IRGM: variants seen among roughly 807,000 people sequenced by gnomAD.
IRGM encodes the protein immunity related GTPase M, also known as immunity-related GTPase family M protein.
For synonymous variants in IRGM, 98 were observed against 80.6 expected, an observed-to-expected ratio of 1.22 and a Z score of -1.16; for missense variants, 288 against 219.9, an observed-to-expected ratio of 1.31 and a Z score of -1.96.
At chr5:150,865,597 T>TG (rs1397360280) in intron 1 of IRGM, among the ~76,000 whole-genome samples, 1 of 152,176 alleles carries the variant, frequency 6.6e-6, no homozygotes, top group Non-Finnish European at 1.5e-5. Flanking sequence ...TAGACTTCAT[T>TG]GGGGAAAACT....
At chr5:150,856,385 C>T (rs532008219) in intron 1 of IRGM, among the ~76,000 whole-genome samples, 3 of 152,070 alleles carry the variant, frequency 2.0e-5, no homozygotes, top group East Asian at 1.9e-4. Context: ...GAGCTGAGAT[C>T]GCACCACTGC....
chr5:150,874,949 T>A (rs1022069580), intron 1 of IRGM, among the ~76,000 whole-genome samples: 1 of 152,200 alleles, frequency 6.6e-6, no homozygotes, highest in African/African-American at 2.4e-5. Flanking sequence ...TATCATGAAC[T>A]GGGTGCTTTC....
chr5:150,878,540 A>C (rs1211196567), intron 2 of IRGM, among the ~76,000 whole-genome samples: 1 of 152,094 alleles, frequency 6.6e-6, no homozygotes, highest in Non-Finnish European at 1.5e-5. Flanking sequence ...ACTTAAAATA[A>C]AAACATAGAA....
At chr5:150,885,121 T>C (rs1169613453) in intron 3 of IRGM, among the ~76,000 whole-genome samples, 7 of 152,146 alleles carry the variant, frequency 4.6e-5, no homozygotes. Flanking sequence ...TCAGCTTCAA[T>C]CTTCTTTATA....
At chr5:150,895,055 T>C (rs1754705867) in intron 3 of IRGM, 1 of 168,800 alleles carries the variant, frequency 5.9e-6, no homozygotes, top group Non-Finnish European at 1.3e-5. Context: ...TTCTTCCACG[T>C]CTTTTATAGA....
intron 3 of IRGM, chr5:150,897,154 T>C: frequency 2.2e-6 from 1 of 457,414 alleles, no homozygotes; most frequent in Non-Finnish European, 3.8e-6. Context: ...ACAAGAATGT[T>C]AAACAGAAAT....
chr5:150,875,117 C>T (rs1375261710), intron 1 of IRGM, among the ~76,000 whole-genome samples: 3 of 152,174 alleles, frequency 2.0e-5, no homozygotes, highest in African/African-American at 7.2e-5. Context: ...TGCAACCCTG[C>T]CTTCTCTCCC....
Position 150,867,652 on chromosome 5 carries a change from T to TTA in IRGM, c.159-10328_159-10327insTA, listed in dbSNP as rs397758503. The stretch of plus-strand genomic sequence containing the variant: ...TCCATGCCAACATCTATTTTTTTTT[T>TTA]AATTTTTAAATTATAGTCATCCTTG... On this transcript the variant is annotated intron_variant and NMD_transcript_variant, in intron 1 of 3. Coordinates refer to the IRGM transcript ENST00000520549. Among the ~76,000 whole-genome samples, 12 of 152,126 alleles carry TTA rather than the reference T, an allele frequency of 7.9e-5. No individual in the cohort carries two copies. The East Asian group carries it at 1.9e-3, about 24-fold the overall frequency.
At position 150,866,873 on chromosome 5, in the gene IRGM, GACA is replaced by G. The variant is rs200942321; in HGVS notation, c.159-11103_159-11101del. ...CACTAAAATAATTTTCATTTCTGAT[GACA>G]ACATTTTTACTTTTTGATCTATTTG... On this transcript the variant is annotated intron_variant and NMD_transcript_variant, in intron 1 of 3. Transcript: ENST00000520549. Among the ~76,000 whole-genome samples the G allele has an allele frequency of 4.1e-3, 630 of 152,208 alleles. 4 individuals are homozygous for G. The highest frequency in any genetic ancestry group is 0.014 in the African/African-American group (598 of 41,544).
At chr5:150,851,513 C>G (rs564442057), downstream of IRGM, among the ~76,000 whole-genome samples, 7 of 152,148 alleles carry the variant, frequency 4.6e-5, 1 homozygote, top group Admixed American at 3.9e-4. Context: ...TTATAATAGA[C>G]AAAATTTTTG....
chr5:150,871,500 T>C (rs1489143866), intron 1 of IRGM, among the ~76,000 whole-genome samples: 1 of 152,210 alleles, frequency 6.6e-6, no homozygotes, highest in Admixed American at 6.5e-5. Flanking sequence ...CTGTCTCTCC[T>C]TTCTCTTGCA....
chr5:150,848,561 C>G lies in IRGM; in HGVS notation c.438C>G (p.Thr146=), dbSNP rs1753922683. The G allele has an allele frequency of 6.4e-7, 1 of 1,551,520 alleles. No individual in the cohort carries two copies. Among genetic ancestry groups the G allele is most frequent in the Non-Finnish European group, 8.7e-7 (1 of 1,146,834 alleles). ...GAAAGAAGTTCTACATTGTCTGGACCAAGCTAGACATGGACCTCAGCACAG... is the reference window on the plus strand; with the variant it reads ...GAAAGAAGTTCTACATTGTCTGGACGAAGCTAGACATGGACCTCAGCACAG... ...DMGKKFYIVW[T]KLDMDLSTGA... The change falls in exon 2 of 2, where the codon ACC becomes ACG. Residue 146 remains threonine, a synonymous_variant. Coordinates refer to ENST00000522154, the MANE Select transcript of IRGM (RefSeq NM_001145805.2).
chr5:150,899,387 A>C (rs186853344), intron 3 of IRGM, among the ~76,000 whole-genome samples: 35 of 152,084 alleles, frequency 2.3e-4, no homozygotes, highest in Admixed American at 6.6e-5. Context: ...ATGATTATAG[A>C]GCAGAAATGC....
At chr5:150,883,220 T>A (rs917243130) in intron 3 of IRGM, among the ~76,000 whole-genome samples, 9 of 152,084 alleles carry the variant, frequency 5.9e-5, no homozygotes, top group African/African-American at 2.2e-4. Flanking sequence ...AAAGCAGTTC[T>A]TTTTCTAAAT....
chr5:150,895,650 A>G, intron 3 of IRGM: 1 of 1,613,196 alleles, frequency 6.2e-7, no homozygotes, highest in Non-Finnish European at 8.5e-7. Context: ...CTTCTGAGAG[A>G]AGGCTTTCCC....
At chr5:150,897,904 A>G (rs1258800706) in intron 3 of IRGM, 1 of 782,584 alleles carries the variant, frequency 1.3e-6, no homozygotes, top group Non-Finnish European at 2.0e-6. Context: ...GACAGGATCA[A>G]CAACAAATAG....
At chr5:150,883,485 CAAAT>C (rs1754474299) in intron 3 of IRGM, among the ~76,000 whole-genome samples, 1 of 150,404 alleles carries the variant, frequency 6.6e-6, no homozygotes, top group African/African-American at 2.5e-5. Flanking sequence ...AAAAGATAAA[CAAAT>C]TGACAAACCC....
intron 1 of IRGM, among the ~76,000 whole-genome samples, chr5:150,873,641 C>G (rs1295192949): frequency 6.6e-6 from 1 of 152,162 alleles, no homozygotes; most frequent in African/African-American, 2.4e-5. Context: ...GTCTGACTTA[C>G]AGTGGGTCCA....
chr5:150,898,560 A>C (rs1754882201), intron 3 of IRGM: 1 of 1,591,480 alleles, frequency 6.3e-7, no homozygotes, highest in Non-Finnish European at 8.6e-7. Context: ...AACCCCTGTA[A>C]TAGTAAATTC....
Sources: gnomAD v4.1 joint callset for allele counts (sites outside exome capture counted in the v4.1 genomes callset) on GRCh38, gnomAD v4.1.1 for gene constraint, MANE v1.5 for transcripts, NCBI Gene and HGNC (gene_info 2026-07-23, HGNC 2026-07-21) for gene names.